MALRD1: variants seen among roughly 807,000 people sequenced by gnomAD.
MALRD1 encodes the protein MAM and LDL-receptor class A domain-containing protein 1.
Under a neutral mutation model 242.1 loss-of-function variants are expected in MALRD1, and 247 were observed. The ratio of observed to expected loss-of-function variants is 1.02; its 90% confidence interval spans 0.92 to 1.13. The LOEUF (loss-of-function observed/expected upper bound fraction) is 1.13. Among genes scored for constraint, MALRD1 ranks in the 50% most tolerant of loss-of-function variants. The pLI, the probability that MALRD1 is intolerant of heterozygous loss-of-function variation, is 0.00. For missense variants in MALRD1, 2,989 were observed against 2,533.1 expected (o/e 1.18, Z -3.86); for synonymous variants, 995 against 866.6 (o/e 1.15, Z -2.60).
At chr10:19,598,423 C>T (rs923715627) in intron 34 of MALRD1, 2 of 151,182 alleles carry the variant, frequency 1.3e-5, no homozygotes, top group Non-Finnish European at 2.9e-5. Flanking sequence ...TCCTTCTCTT[C>T]CTTCCAGAAA....
chr10:19,312,102 T>G (rs762981185), intron 21 of MALRD1, among the ~76,000 whole-genome samples: 4 of 151,302 alleles, frequency 2.6e-5, no homozygotes, highest in Non-Finnish European at 4.4e-5. Flanking sequence ...TTCATGATCA[T>G]CTTAACAAAG....
intron 36 of MALRD1, among the ~76,000 whole-genome samples, chr10:19,634,620 TG>T (rs1427061648): frequency 6.6e-6 from 1 of 152,150 alleles, no homozygotes; most frequent in African/African-American, 2.4e-5. Context: ...TGGATTCTGT[TG>T]GTAAGAAAGG....
chr10:19,295,465 G>T (rs1420302646), intron 21 of MALRD1, among the ~76,000 whole-genome samples: 5 of 149,776 alleles, frequency 3.3e-5, no homozygotes, highest in African/African-American at 1.2e-4. Flanking sequence ...TGTTTTGGGT[G>T]TGTGTGTGTG....
At chr10:19,382,899 A>C (rs1845898653) in intron 26 of MALRD1, among the ~76,000 whole-genome samples, 2 of 152,198 alleles carry the variant, frequency 1.3e-5, no homozygotes, top group African/African-American at 4.8e-5. Flanking sequence ...CTCTTTCTTT[A>C]GTAGATTCTT....
chr10:19,593,570 A>G (rs568113850), intron 33 of MALRD1, among the ~76,000 whole-genome samples: 1 of 152,254 alleles, frequency 6.6e-6, no homozygotes, highest in Non-Finnish European at 1.5e-5. Context: ...ATTTTCCCTT[A>G]ATATATTGAT....
intron 36 of MALRD1, among the ~76,000 whole-genome samples, chr10:19,684,160 A>C (rs575204911): frequency 6.6e-6 from 1 of 152,234 alleles, no homozygotes; most frequent in South Asian, 2.1e-4. Flanking sequence ...GTGAAGCAAA[A>C]CCGTATGGTC....
intron 18 of MALRD1, among the ~76,000 whole-genome samples, chr10:19,233,928 A>G (rs1838191589): frequency 6.6e-6 from 1 of 152,018 alleles, no homozygotes; most frequent in Non-Finnish European, 1.5e-5. Context: ...TTTTAATATG[A>G]AGTTTTTATG....
At chr10:19,151,256 C>T (rs1025307079) in intron 11 of MALRD1, among the ~76,000 whole-genome samples, 3 of 151,778 alleles carry the variant, frequency 2.0e-5, no homozygotes, top group Non-Finnish European at 4.4e-5. Context: ...TTACAGCTTT[C>T]GGGGTAGAGA....
chr10:19,416,906 C>T lies in MALRD1; in HGVS notation c.4845+27297C>T, dbSNP rs150789570. Among the ~76,000 whole-genome samples, 1,329 of 152,280 alleles carry T rather than the reference C, an allele frequency of 8.7e-3. 12 individuals carry two copies. Among genetic ancestry groups the T allele is most frequent in the Non-Finnish European group, 0.014 (926 of 68,020 alleles). Reference sequence around the variant, plus strand: ...ATTCACTGACCAATCCCTAAAACTCCGTAGAATCTGCTCTTGGGAAGGTCA... The same window carrying T: ...ATTCACTGACCAATCCCTAAAACTCTGTAGAATCTGCTCTTGGGAAGGTCA... On this transcript the variant is annotated intron_variant, in intron 28 of 39. Transcript: ENST00000454679.
intron 32 of MALRD1, among the ~76,000 whole-genome samples, chr10:19,543,778 A>G (rs561222622): frequency 6.6e-6 from 1 of 152,216 alleles, no homozygotes; most frequent in East Asian, 1.9e-4. Context: ...CTTACTCCCT[A>G]TCCCTGTTTT....
rs1408961911 is a variant in MALRD1 at position 19,204,880 on chromosome 10, A to T, written c.2211-18A>T. 1 of 1,520,140 alleles carries T rather than the reference A, an allele frequency of 6.6e-7. No homozygotes were observed. The highest frequency in any genetic ancestry group is 1.2e-5 in the South Asian group (1 of 80,082). 94.2% of individuals were successfully genotyped at this position (1,520,140 alleles called of 1,614,324 possible). ...ATTCTATAAATCACTTCCATTTCTTACGTTTACTCTTTTTTAGGTTCTATA... is the reference window on the plus strand; with the variant it reads ...ATTCTATAAATCACTTCCATTTCTTTCGTTTACTCTTTTTTAGGTTCTATA... On this transcript the variant is annotated intron_variant, in intron 16 of 39. Transcript: ENST00000454679.
At chr10:19,730,527 G>T (rs1415567971) in intron 38 of MALRD1, 179 bp from the exon 39 acceptor site, 1 of 692,090 alleles carries the variant, frequency 1.4e-6, no homozygotes, top group Non-Finnish European at 2.6e-6. Context: ...TGGTTGCCTT[G>T]GTGTCCTGCA....
At chr10:19,628,997 T>G (rs1839798388) in intron 36 of MALRD1, among the ~76,000 whole-genome samples, 1 of 152,124 alleles carries the variant, frequency 6.6e-6, no homozygotes, top group Admixed American at 6.5e-5. Context: ...CAAACTGCTC[T>G]CGCCCAGCTC....
At chr10:19,123,689 A>G in intron 6 of MALRD1, 96 bp downstream of exon 6, 1 of 604,228 alleles carries the variant, frequency 1.7e-6, no homozygotes, top group Non-Finnish European at 2.4e-6. Flanking sequence ...ACCTTTGTTG[A>G]CATTAATGTC....
chr10:19,629,637 G>A (rs981211874), intron 36 of MALRD1, among the ~76,000 whole-genome samples: 1 of 152,176 alleles, frequency 6.6e-6, no homozygotes, highest in African/African-American at 2.4e-5. Context: ...TCTTTGCTGT[G>A]TGTGATGTGT....
intron 14 of MALRD1, among the ~76,000 whole-genome samples, chr10:19,189,713 C>G (rs923804582): frequency 6.6e-6 from 1 of 151,884 alleles, no homozygotes; most frequent in African/African-American, 2.4e-5. Context: ...GAAAAAAACA[C>G]GTGATCACCT....
intron 18 of MALRD1, among the ~76,000 whole-genome samples, chr10:19,239,649 T>C (rs1348852104): frequency 6.6e-6 from 1 of 152,344 alleles, no homozygotes; most frequent in East Asian, 1.9e-4. Flanking sequence ...CTTTAGGTCT[T>C]TAATCACATT....
chr10:19,274,507 T>A (rs558286631), intron 19 of MALRD1, among the ~76,000 whole-genome samples: 1 of 152,198 alleles, frequency 6.6e-6, no homozygotes, highest in South Asian at 2.1e-4. Flanking sequence ...TTCTCTACCA[T>A]GTGAGGATAC....
chr10:19,316,476 CTT>C (rs1291552469), intron 21 of MALRD1, among the ~76,000 whole-genome samples: 1 of 151,782 alleles, frequency 6.6e-6, no homozygotes, highest in East Asian at 1.9e-4. Flanking sequence ...ACAGAATGTT[CTT>C]TTTTTCATTA....
Sources: gnomAD v4.1 joint callset for allele counts (sites outside exome capture counted in the v4.1 genomes callset) on GRCh38, gnomAD v4.1.1 for gene constraint, MANE v1.5 for transcripts, NCBI Gene and HGNC (gene_info 2026-07-23, HGNC 2026-07-21) for gene names.